LINGO1: variants seen among roughly 807,000 people sequenced by gnomAD.
LINGO1 encodes leucine-rich repeat and immunoglobulin-like domain-containing nogo receptor-interacting protein 1.
A neutral mutation model predicts 37.3 loss-of-function variants in LINGO1; 11 were observed. That is an observed-to-expected ratio of 0.29 (90% CI 0.19 to 0.49). The LOEUF (loss-of-function observed/expected upper bound fraction) is 0.49. Among genes scored for constraint, LINGO1 ranks in the 20% least tolerant of loss-of-function variants. The pLI is 0.99. For missense variants in LINGO1, 585 were observed against 878.2 expected (o/e 0.67, Z 4.22); for synonymous variants, 387 against 403.0 (o/e 0.96, Z 0.48).
At chr15:77,634,792 G>C (rs981943136), upstream of LINGO1, among the ~76,000 whole-genome samples, 2 of 129,198 alleles carry the variant, frequency 1.5e-5, no homozygotes, top group African/African-American at 2.8e-5. Flanking sequence ...TGAGCTACCC[G>C]TGCGCTCCCG....
chr15:77,690,433 G>A (rs1214412960), intron 2 of LINGO1, among the ~76,000 whole-genome samples: 1 of 152,178 alleles, frequency 6.6e-6, no homozygotes, highest in Non-Finnish European at 1.5e-5. Context: ...TCACCAAGGA[G>A]AGGAGTGAAG....
At chr15:77,745,351 G>A (rs762741553) in intron 1 of LINGO1, among the ~76,000 whole-genome samples, 4 of 151,702 alleles carry the variant, frequency 2.6e-5, no homozygotes, top group Admixed American at 6.6e-5. Flanking sequence ...GCGTGAACCC[G>A]GGAGGTGGAG....
chr15:77,634,841 T>TAGAC (rs918511979), upstream of LINGO1, among the ~76,000 whole-genome samples: 42 of 148,244 alleles, frequency 2.8e-4, no homozygotes, highest in African/African-American at 8.8e-4. Flanking sequence ...CCGACAGGAA[T>TAGAC]AGACGCTCGC....
At chr15:77,723,780 G>A (rs960299995) in intron 2 of LINGO1, among the ~76,000 whole-genome samples, 20 of 152,258 alleles carry the variant, frequency 1.3e-4, no homozygotes, top group Middle Eastern at 6.8e-3. Context: ...GGGATGGAAC[G>A]ACCCCAGCCC....
chr15:77,778,550 G>C (rs1180269654), intron 1 of LINGO1, among the ~76,000 whole-genome samples: 2 of 152,272 alleles, frequency 1.3e-5, no homozygotes, highest in Non-Finnish European at 2.9e-5. Flanking sequence ...GATCAGATAG[G>C]TTACTCCCAT....
At chr15:77,618,964 C>A (rs1252126191) in intron 1 of LINGO1, among the ~76,000 whole-genome samples, 1 of 151,584 alleles carries the variant, frequency 6.6e-6, no homozygotes, top group Non-Finnish European at 1.5e-5. Context: ...TGATTTGAAC[C>A]AACTGACAGA....
rs575450967 is a variant in LINGO1 at position 77,658,569 on chromosome 15, C to T, written c.-13+18520G>A. Among the ~76,000 whole-genome samples the T allele has an allele frequency of 5.4e-4, 82 of 152,312 alleles. 2 individuals are homozygous for T. In the South Asian group the frequency reaches 0.017, roughly 31 times the overall value. ...GTAATAACAGACTGACAAACTGGGACTTCCAACAAAAGAAAGAGGAAGAAA... is the reference window on the plus strand; with the variant it reads ...GTAATAACAGACTGACAAACTGGGATTTCCAACAAAAGAAAGAGGAAGAAA... On this transcript the variant is annotated intron_variant, in intron 3 of 3. Transcript: ENST00000559893.
intron 3 of LINGO1, chr15:77,667,803 T>A (rs1360498540): frequency 1.3e-5 from 2 of 152,136 alleles, no homozygotes; most frequent in African/African-American, 4.8e-5. Context: ...GGGTCATCTC[T>A]CCAGGACGAA....
chr15:77,642,915 A>G (rs944041501), intron 3 of LINGO1, among the ~76,000 whole-genome samples: 3 of 152,188 alleles, frequency 2.0e-5, no homozygotes, highest in African/African-American at 7.2e-5. Context: ...TTGCAGATGC[A>G]CAGAGAGGTG....
At chr15:77,793,683 G>A (rs2076835478) in intron 2 of LINGO1, among the ~76,000 whole-genome samples, 1 of 152,176 alleles carries the variant, frequency 6.6e-6, no homozygotes, top group African/African-American at 2.4e-5. Flanking sequence ...GGTACACGCA[G>A]GCTGAAACAT....
chr15:77,680,307 T>C (rs1433068543), intron 2 of LINGO1, among the ~76,000 whole-genome samples: 1 of 152,160 alleles, frequency 6.6e-6, no homozygotes, highest in African/African-American at 2.4e-5. Flanking sequence ...ACAGCCTTTG[T>C]CACATGAAAT....
intron 1 of LINGO1, among the ~76,000 whole-genome samples, chr15:77,786,241 G>T (rs921958207): frequency 6.6e-6 from 1 of 152,104 alleles, no homozygotes; most frequent in Non-Finnish European, 1.5e-5. Context: ...CCTCAGGGAG[G>T]TTAGTATGCC....
chr15:77,627,820 C>T (rs1236277269), intron 1 of LINGO1, among the ~76,000 whole-genome samples: 1 of 152,168 alleles, frequency 6.6e-6, no homozygotes, highest in Non-Finnish European at 1.5e-5. Context: ...GGGGAGTCCT[C>T]CCTGATTGCT....
chr15:77,776,482 C>G (rs1454036714), intron 1 of LINGO1, among the ~76,000 whole-genome samples: 42 of 123,774 alleles, frequency 3.4e-4, no homozygotes, highest in African/African-American at 1.2e-3. Context: ...GGCAGGAAGG[C>G]AGGAAAGCAG....
intron 3 of LINGO1, among the ~76,000 whole-genome samples, chr15:77,641,477 G>A (rs564614720): frequency 7.2e-5 from 11 of 152,342 alleles, no homozygotes; most frequent in African/African-American, 2.4e-4. Context: ...GCGGCTGCTT[G>A]TCCACTAATA....
chr15:77,724,869 C>A (rs1567548725), intron 2 of LINGO1, among the ~76,000 whole-genome samples: 1 of 152,196 alleles, frequency 6.6e-6, no homozygotes, highest in Non-Finnish European at 1.5e-5. Flanking sequence ...AAGAAAAAGC[C>A]CACAGCCAAA....
At chr15:77,620,098 G>T (rs1351047508) in intron 1 of LINGO1, among the ~76,000 whole-genome samples, 1 of 152,262 alleles carries the variant, frequency 6.6e-6, no homozygotes, top group Admixed American at 6.5e-5. Flanking sequence ...TGGGCAATGT[G>T]CCGCTCCTGC....
intron 1 of LINGO1, among the ~76,000 whole-genome samples, chr15:77,785,722 C>G (rs72730726): frequency 0.18 from 27,601 of 152,084 alleles, 2,941 homozygotes; most frequent in Admixed American, 0.32. Context: ...CTCTGTCACT[C>G]TCTCCCACCC....
intron 2 of LINGO1, among the ~76,000 whole-genome samples, chr15:77,705,204 C>T (rs1378971653): frequency 6.7e-6 from 1 of 150,312 alleles, no homozygotes; most frequent in Non-Finnish European, 1.5e-5. Flanking sequence ...CACACACACA[C>T]ACCAGTCCAC....
Sources: gnomAD v4.1 joint callset for allele counts (sites outside exome capture counted in the v4.1 genomes callset) on GRCh38, gnomAD v4.1.1 for gene constraint, MANE v1.5 for transcripts, NCBI Gene and HGNC (gene_info 2026-07-23, HGNC 2026-07-21) for gene names.